The following FIGN variants were observed in gnomAD, a reference collection of about 807,000 sequenced individuals.
FIGN encodes fidgetin.
In FIGN, 11 loss-of-function variants were observed where a neutral mutation model predicts 51.3. That is an observed-to-expected ratio of 0.21 (90% CI 0.13 to 0.35). FIGN has a LOEUF of 0.35. Ranked by LOEUF, FIGN falls within the 10% of genes least tolerant of loss-of-function variation. The pLI, the probability that FIGN is intolerant of heterozygous loss-of-function variation, is 1.00. For missense variants in FIGN, 857 were observed against 943.6 expected (o/e 0.91, Z 1.20); for synonymous variants, 407 against 363.2 (o/e 1.12, Z -1.37).
intron 2 of FIGN, among the ~76,000 whole-genome samples, chr2:163,618,618 A>G (rs1682917271): frequency 6.6e-6 from 1 of 152,158 alleles, no homozygotes; most frequent in Admixed American, 6.5e-5. Flanking sequence ...CTCAAAAAAA[A>G]AAATCTGTAT....
At chr2:163,661,649 T>C (rs996072410) in intron 2 of FIGN, among the ~76,000 whole-genome samples, 1 of 152,164 alleles carries the variant, frequency 6.6e-6, no homozygotes, top group Non-Finnish European at 1.5e-5. Context: ...AATTGTATCT[T>C]TCAGAATTCC....
intron 2 of FIGN, among the ~76,000 whole-genome samples, chr2:163,731,164 T>G (rs1431816390): frequency 1.3e-5 from 2 of 152,146 alleles, no homozygotes; most frequent in South Asian, 2.1e-4. Context: ...CACCTTGACA[T>G]GAACATTCTG....
intron 2 of FIGN, among the ~76,000 whole-genome samples, chr2:163,663,898 G>GAAAAA (rs141764346): frequency 6.9e-6 from 1 of 145,688 alleles, no homozygotes; most frequent in Non-Finnish European, 1.5e-5. Context: ...GAAAAGAAAA[G>GAAAAA]AAAAAAAAAA....
chr2:163,635,037 C>G (rs1000596628), intron 2 of FIGN, among the ~76,000 whole-genome samples: 2 of 152,120 alleles, frequency 1.3e-5, no homozygotes, highest in Non-Finnish European at 2.9e-5. Context: ...CACTATTTAG[C>G]TAAATAATAC....
chr2:163,704,694 C>T (rs1465470555), intron 2 of FIGN, among the ~76,000 whole-genome samples: 1 of 128,868 alleles, frequency 7.8e-6, no homozygotes, highest in Non-Finnish European at 1.6e-5. Flanking sequence ...ACACACAGTG[C>T]TTAGTAAATG....
intron 2 of FIGN, among the ~76,000 whole-genome samples, chr2:163,646,501 G>C (rs1480910639): frequency 1.3e-5 from 2 of 152,052 alleles, no homozygotes; most frequent in Non-Finnish European, 2.9e-5. Context: ...CCAAAATTTT[G>C]CAGGGACAAA....
At position 163,611,640 on chromosome 2, in the gene FIGN, T is replaced by G. The variant is rs764604567; in HGVS notation, c.192A>C (p.Ala64=). ...WANDDISALT[A]SNLLKKYAEK... ...CTGCATATTTTTTTAGTAGGTTGGA[T>G]GCAGTCAGAGCAGATATGTCATCAT... Residue 64 remains alanine, a synonymous_variant, in exon 3 of 3, where the codon GCA becomes GCC. Transcript: ENST00000333129. 47 of 1,614,080 alleles carry G rather than the reference T, an allele frequency of 2.9e-5. No individual in the cohort carries two copies. Among genetic ancestry groups the G allele is most frequent in the Non-Finnish European group, 6.8e-6 (8 of 1,180,040 alleles).
At chr2:163,676,479 AT>A (rs1683971709) in intron 2 of FIGN, among the ~76,000 whole-genome samples, 10 of 87,192 alleles carry the variant, frequency 1.1e-4, no homozygotes, top group South Asian at 3.6e-4. Context: ...ATATATATAT[AT>A]ATAACTAGAG....
At chr2:163,617,963 G>GA (rs1261386965) in intron 2 of FIGN, among the ~76,000 whole-genome samples, 1 of 152,018 alleles carries the variant, frequency 6.6e-6, no homozygotes, top group African/African-American at 2.4e-5. Flanking sequence ...TGGCTAGACA[G>GA]AAAAAAAGTA....
intron 2 of FIGN, among the ~76,000 whole-genome samples, chr2:163,652,532 A>G (rs1683495243): frequency 6.6e-6 from 1 of 152,140 alleles, no homozygotes; most frequent in Admixed American, 6.6e-5. Context: ...GAGCAAATAC[A>G]TTCACCCAAA....
At chr2:163,614,067 TG>T (rs1682824353) in intron 2 of FIGN, among the ~76,000 whole-genome samples, 1 of 152,150 alleles carries the variant, frequency 6.6e-6, no homozygotes, top group Non-Finnish European at 1.5e-5. Flanking sequence ...TCTCATTGAA[TG>T]GGAAAATAGT....
intron 2 of FIGN, among the ~76,000 whole-genome samples, chr2:163,637,288 T>C (rs776469241): frequency 6.6e-6 from 1 of 152,206 alleles, no homozygotes; most frequent in Non-Finnish European, 1.5e-5. Flanking sequence ...AGACCATGCA[T>C]TCTAAATATT....
chr2:163,690,676 A>G (rs1185463704), intron 2 of FIGN, among the ~76,000 whole-genome samples: 2 of 152,184 alleles, frequency 1.3e-5, no homozygotes, highest in Admixed American at 1.3e-4. Context: ...TGTAATCTAG[A>G]GAAGTAAAAG....
At chr2:163,676,761 A>G (rs1683977254) in intron 2 of FIGN, among the ~76,000 whole-genome samples, 1 of 152,044 alleles carries the variant, frequency 6.6e-6, no homozygotes. Flanking sequence ...AGCCTGAAAC[A>G]TATCTGAACA....
At chr2:163,686,994 T>G (rs975199723) in intron 2 of FIGN, among the ~76,000 whole-genome samples, 17 of 151,688 alleles carry the variant, frequency 1.1e-4, no homozygotes, top group African/African-American at 4.1e-4. Flanking sequence ...TATATTATGA[T>G]GTATGTGTGA....
intron 2 of FIGN, among the ~76,000 whole-genome samples, chr2:163,620,792 A>G (rs1207123801): frequency 2.0e-5 from 3 of 151,862 alleles, no homozygotes; most frequent in South Asian, 4.1e-4. Context: ...TATTTCATCA[A>G]TCATAATCCT....
chr2:163,696,069 C>G (rs1338063542), intron 2 of FIGN, among the ~76,000 whole-genome samples: 1 of 152,052 alleles, frequency 6.6e-6, no homozygotes. Context: ...CAAGATCATG[C>G]CACTGCACTC....
chr2:163,734,524 C>T (rs561642226), intron 2 of FIGN, among the ~76,000 whole-genome samples: 1 of 147,818 alleles, frequency 6.8e-6, no homozygotes, highest in African/African-American at 2.5e-5. Flanking sequence ...CCCAACACTC[C>T]TGCCCTCTCC....
intron 2 of FIGN, among the ~76,000 whole-genome samples, chr2:163,640,598 T>C (rs1683292069): frequency 1.3e-5 from 2 of 152,076 alleles, no homozygotes; most frequent in South Asian, 4.1e-4. Flanking sequence ...AGAAGCAGAG[T>C]TCCTTATATG....
Sources: allele counts gnomAD v4.1 joint callset (sites outside exome capture counted in the v4.1 genomes callset), GRCh38; gene constraint gnomAD v4.1.1; transcripts MANE v1.5; gene names NCBI Gene and HGNC (gene_info 2026-07-23, HGNC 2026-07-21).